The following PDE4D variants were observed in gnomAD, a reference collection of about 807,000 sequenced individuals.
PDE4D encodes 3',5'-cyclic-AMP phosphodiesterase 4D.
Under a neutral mutation model 87.4 loss-of-function variants are expected in PDE4D, and 24 were observed. The ratio of observed to expected loss-of-function variants is 0.27; its 90% CI spans 0.20 to 0.39. The LOEUF is 0.39. Ranked by LOEUF, PDE4D falls within the 10% of genes least tolerant of loss-of-function variation. PDE4D has a pLI of 1.00. For synonymous variants in PDE4D, 384 were observed against 383.2 expected, an observed-to-expected ratio of 1.00 and a Z score of -0.02; for missense variants, 714 against 1,041.0, an observed-to-expected ratio of 0.69 and a Z score of 4.32.
chr5:59,644,880 T>C (rs928369483), intron 1 of PDE4D, among the ~76,000 whole-genome samples: 3 of 152,196 alleles, frequency 2.0e-5, no homozygotes, highest in African/African-American at 7.2e-5. Context: ...TCGAGGGGAA[T>C]ATTTCACATG....
intron 5 of PDE4D, among the ~76,000 whole-genome samples, chr5:59,069,126 G>A (rs1289476691): frequency 2.0e-5 from 3 of 152,204 alleles, no homozygotes; most frequent in South Asian, 2.1e-4. Context: ...TAAATAATCC[G>A]TTAGACCTTT....
intron 2 of PDE4D, among the ~76,000 whole-genome samples, chr5:60,098,361 T>C (rs1775891043): frequency 6.6e-6 from 1 of 151,972 alleles, no homozygotes; most frequent in South Asian, 2.1e-4. Flanking sequence ...TGAATCTGTA[T>C]ATTACATGGA....
At chr5:59,893,778 A>C, upstream of PDE4D, 1 of 1,338,034 alleles carries the variant, frequency 7.5e-7, no homozygotes, top group South Asian at 1.9e-5. Context: ...CCAGAGCCTC[A>C]GGGCTACCGA....
chr5:60,212,166 A>AC (rs1743301543), intron 1 of PDE4D, among the ~76,000 whole-genome samples: 1 of 151,434 alleles, frequency 6.6e-6, no homozygotes, highest in Non-Finnish European at 1.5e-5. Context: ...TTATATATAT[A>AC]TTTTTTTTCT....
intron 3 of PDE4D, among the ~76,000 whole-genome samples, chr5:59,932,742 A>C (rs1756110703): frequency 3.9e-5 from 6 of 152,206 alleles, no homozygotes; most frequent in Admixed American, 3.9e-4. Flanking sequence ...GTAGATACCA[A>C]ATCGATTCTA....
chr5:59,907,514 A>G (rs1752973390), intron 3 of PDE4D, among the ~76,000 whole-genome samples: 1 of 152,076 alleles, frequency 6.6e-6, no homozygotes, highest in Non-Finnish European at 1.5e-5. Flanking sequence ...GATGAAATAA[A>G]ATAACCTGTT....
chr5:59,567,803 A>C (rs2153694387), intron 1 of PDE4D, among the ~76,000 whole-genome samples: 1 of 152,322 alleles, frequency 6.6e-6, no homozygotes, highest in African/African-American at 2.4e-5. Flanking sequence ...AGCAAGAGGA[A>C]GAAGCTAGAA....
intron 1 of PDE4D, among the ~76,000 whole-genome samples, chr5:60,410,052 C>A (rs1304531113): frequency 6.6e-6 from 1 of 152,180 alleles, no homozygotes; most frequent in Non-Finnish European, 1.5e-5. Context: ...GGGAGTTAGG[C>A]AGAGGGAGGC....
At chr5:59,228,070 C>T (rs564566330) in intron 1 of PDE4D, among the ~76,000 whole-genome samples, 2 of 152,078 alleles carry the variant, frequency 1.3e-5, no homozygotes, top group South Asian at 4.2e-4. Context: ...AACTATGCAG[C>T]CATAAAAAGG....
At chr5:60,237,150 CAT>C (rs967372968) in intron 1 of PDE4D, among the ~76,000 whole-genome samples, 6 of 151,922 alleles carry the variant, frequency 3.9e-5, no homozygotes, top group African/African-American at 1.4e-4. Flanking sequence ...GGAACAACAA[CAT>C]ATGGCTGTAC....
At chr5:60,422,818 CAT>C in intron 1 of PDE4D, among the ~76,000 whole-genome samples, 1 of 152,130 alleles carries the variant, frequency 6.6e-6, no homozygotes, top group Non-Finnish European at 1.5e-5. Flanking sequence ...TGCAGAGAAA[CAT>C]ATAGGTTCAA....
chr5:59,795,988 C>T (rs1766434635), intron 1 of PDE4D, among the ~76,000 whole-genome samples: 1 of 152,154 alleles, frequency 6.6e-6, no homozygotes, highest in African/African-American at 2.4e-5. Flanking sequence ...GGAACAAATC[C>T]TTGCCTCACG....
intron 1 of PDE4D, among the ~76,000 whole-genome samples, chr5:59,649,434 A>T (rs1322815234): frequency 6.6e-6 from 1 of 152,142 alleles, no homozygotes; most frequent in Non-Finnish European, 1.5e-5. Flanking sequence ...ATGGCCTTCA[A>T]GATAAGGATA....
At chr5:59,068,719 G>C (rs1764302378) in intron 5 of PDE4D, among the ~76,000 whole-genome samples, 1 of 152,094 alleles carries the variant, frequency 6.6e-6, no homozygotes, top group Non-Finnish European at 1.5e-5. Context: ...GAAAAAGAAG[G>C]GGCTTTAAGC....
intron 1 of PDE4D, among the ~76,000 whole-genome samples, chr5:60,238,397 C>A (rs752875815): frequency 2.6e-5 from 4 of 151,914 alleles, no homozygotes; most frequent in Non-Finnish European, 4.4e-5. Flanking sequence ...CCCTGGCAAA[C>A]ACATCCAATC....
chr5:60,285,533 A>G (rs1752338994), intron 1 of PDE4D, among the ~76,000 whole-genome samples: 1 of 152,182 alleles, frequency 6.6e-6, no homozygotes, highest in Non-Finnish European at 1.5e-5. Flanking sequence ...ACAGATATAA[A>G]TAAAAAATTA....
intron 1 of PDE4D, among the ~76,000 whole-genome samples, chr5:60,315,967 T>A (rs111605770): frequency 2.0e-5 from 3 of 151,928 alleles, no homozygotes; most frequent in Non-Finnish European, 4.4e-5. Context: ...CTTGGCAATG[T>A]GGGCTCTTTT....
intron 1 of PDE4D, among the ~76,000 whole-genome samples, chr5:59,738,289 T>G (rs540772550): frequency 6.6e-6 from 1 of 152,292 alleles, no homozygotes; most frequent in South Asian, 2.1e-4. Context: ...CAATGTATTC[T>G]GTTGTCAGAT....
At chr5:60,014,921 C>T (rs980673238) in intron 2 of PDE4D, among the ~76,000 whole-genome samples, 1 of 152,182 alleles carries the variant, frequency 6.6e-6, no homozygotes, top group African/African-American at 2.4e-5. Flanking sequence ...TAGAAATCCA[C>T]ATCCAGAGAA....
Sources: allele counts gnomAD v4.1 joint callset (sites outside exome capture counted in the v4.1 genomes callset), GRCh38; gene constraint gnomAD v4.1.1; transcripts MANE v1.5; gene names NCBI Gene and HGNC (gene_info 2026-07-23, HGNC 2026-07-21).